The following PMFBP1 variants were observed in gnomAD, a reference collection of about 807,000 sequenced individuals.
PMFBP1 encodes the protein polyamine modulated factor 1 binding protein 1.
Under a neutral mutation model 137.8 loss-of-function variants are expected in PMFBP1, and 131 were observed. The ratio of observed to expected loss-of-function variants is 0.95; its 90% CI spans 0.82 to 1.10. The LOEUF (loss-of-function observed/expected upper bound fraction) is 1.10, where lower values mean the gene tolerates loss of function less well. Among genes scored for constraint, PMFBP1 ranks in the 50% least tolerant of loss-of-function variants. PMFBP1 has a pLI of 0.00. For missense variants in PMFBP1, 1,199 were observed against 1,175.4 expected (o/e 1.02, Z -0.29); for synonymous variants, 490 against 450.4 (o/e 1.09, Z -1.11).
the PMFBP1 span, among the ~76,000 whole-genome samples, chr16:72,190,496 T>C: frequency 6.6e-6 from 1 of 151,906 alleles, no homozygotes; most frequent in Non-Finnish European, 1.5e-5. Flanking sequence ...GAAGAACTGA[T>C]GGGAAGAGAG....
At chr16:72,201,534 T>C in the PMFBP1 span, among the ~76,000 whole-genome samples, 1 of 152,328 alleles carries the variant, frequency 6.6e-6, no homozygotes, top group Non-Finnish European at 1.5e-5. Flanking sequence ...CAGAATACGA[T>C]GGGGAACACT....
the PMFBP1 span, among the ~76,000 whole-genome samples, chr16:72,205,597 C>G: frequency 6.6e-6 from 1 of 152,156 alleles, no homozygotes. Flanking sequence ...CAGGACAGAA[C>G]TAGGATAATG....
Position 72,130,518 on chromosome 16 carries a change from C to A in PMFBP1, c.1637+15G>T, listed in dbSNP as rs200463814. The A allele has an allele frequency of 3.1e-6, 5 of 1,613,666 alleles. No individual in the cohort carries two copies. Among genetic ancestry groups the A allele is most frequent in the Middle Eastern group, 1.7e-4 (1 of 6,060 alleles). ...GACAGAACCTCTCTCTGGAGGGGAG[C>A]CTGAGCCTGGGCACCTGTTGGAGGT... On this transcript the variant is annotated intron_variant, in intron 11 of 20. Coordinates refer to ENST00000237353, the MANE Select transcript of PMFBP1 (RefSeq NM_031293.3).
chr16:72,203,070 C>A, the PMFBP1 span, among the ~76,000 whole-genome samples: 9 of 152,344 alleles, frequency 5.9e-5, no homozygotes, highest in African/African-American at 1.7e-4. Flanking sequence ...TTGTAAAACC[C>A]TGCTGATTCT....
the PMFBP1 span, among the ~76,000 whole-genome samples, chr16:72,239,508 C>CT: frequency 9.9e-5 from 15 of 151,924 alleles, no homozygotes; most frequent in Non-Finnish European, 1.5e-4. Flanking sequence ...TTCTTTAAAC[C>CT]TTTTTTAGAA....
intron 11 of PMFBP1, 76 bp downstream of exon 11, chr16:72,130,457 G>A: frequency 1.2e-6 from 2 of 1,606,514 alleles, no homozygotes; most frequent in South Asian, 1.1e-5. Context: ...CCACGCCTGG[G>A]CAGCTGCCCA....
the PMFBP1 span, among the ~76,000 whole-genome samples, chr16:72,213,061 C>G: frequency 6.6e-6 from 1 of 152,196 alleles, no homozygotes; most frequent in Non-Finnish European, 1.5e-5. Context: ...GCACTTGCTA[C>G]AGATGTGCTC....
At chr16:72,117,562 A>G (rs1368287348), downstream of PMFBP1, among the ~76,000 whole-genome samples, 1 of 152,218 alleles carries the variant, frequency 6.6e-6, no homozygotes, top group East Asian at 1.9e-4. Context: ...AGAAGTGGCA[A>G]AGCAGGTGTT....
At chr16:72,209,344 A>G in the PMFBP1 span, among the ~76,000 whole-genome samples, 1 of 152,180 alleles carries the variant, frequency 6.6e-6, no homozygotes, top group Non-Finnish European at 1.5e-5. Flanking sequence ...TTTAAAGGTC[A>G]TCTCTGTATT....
chr16:72,150,085 T>G (rs984140405), intron 5 of PMFBP1, among the ~76,000 whole-genome samples: 1 of 152,234 alleles, frequency 6.6e-6, no homozygotes, highest in Non-Finnish European at 1.5e-5. Flanking sequence ...ATCAGGTGTT[T>G]CGACTTTTCT....
chr16:72,128,348 A>G, intron 14 of PMFBP1: 1 of 1,309,788 alleles, frequency 7.6e-7, no homozygotes, highest in Non-Finnish European at 9.8e-7. Context: ...TTCCCTAGCA[A>G]ATTGCCCCCC....
chr16:72,212,623 A>C, the PMFBP1 span, among the ~76,000 whole-genome samples: 1 of 152,232 alleles, frequency 6.6e-6, no homozygotes, highest in Non-Finnish European at 1.5e-5. Flanking sequence ...TAGGAATTCT[A>C]GAAAAAGAGA....
chr16:72,165,687 G>C (rs1203298272), intron 2 of PMFBP1, among the ~76,000 whole-genome samples: 2 of 151,840 alleles, frequency 1.3e-5, no homozygotes, highest in Non-Finnish European at 2.9e-5. Flanking sequence ...CAAAGTGCTG[G>C]GATTACAGGC....
the PMFBP1 span, among the ~76,000 whole-genome samples, chr16:72,211,686 C>A: frequency 6.6e-6 from 1 of 152,110 alleles, no homozygotes; most frequent in African/African-American, 2.4e-5. Flanking sequence ...AGAAAGAATT[C>A]TTAGAATTTA....
Position 72,171,283 on chromosome 16 carries a change from G to A in PMFBP1, c.-60-15C>T. 6.6e-7 allele frequency: 1 copy of A among 1,505,996 alleles called. No individual in the cohort carries two copies. Among genetic ancestry groups the A allele is most frequent in the Non-Finnish European group, 9.2e-7 (1 of 1,085,918 alleles). 93.3% of individuals were successfully genotyped at this position (1,505,996 alleles called of 1,614,324 possible). A position where few individuals can be genotyped will look rare whatever the true frequency, so the allele number is the denominator to read the frequency against. On this transcript the variant is annotated splice_polypyrimidine_tract_variant and intron_variant, in intron 1 of 20. Transcript: ENST00000237353. ...TTGTTATAAACCTGAAAAAGTCCAA[G>A]TATTTAAGATGGAAAAAGTATAAAT...
intron 5 of PMFBP1, 130 bp downstream of exon 5, chr16:72,150,478 A>G: frequency 1.2e-6 from 1 of 858,782 alleles, no homozygotes; most frequent in Non-Finnish European, 1.9e-6. Flanking sequence ...TGAGGGCTAC[A>G]AAATCAAGGG....
At chr16:72,193,259 G>A in the PMFBP1 span, among the ~76,000 whole-genome samples, 3 of 151,986 alleles carry the variant, frequency 2.0e-5, no homozygotes, top group African/African-American at 4.8e-5. Flanking sequence ...GTGTAGTGGT[G>A]CACACCTGTA....
At chr16:72,195,025 G>C in the PMFBP1 span, among the ~76,000 whole-genome samples, 59 of 152,284 alleles carry the variant, frequency 3.9e-4, no homozygotes, top group Non-Finnish European at 6.6e-4. Context: ...TATGTGATTT[G>C]AGACAACTTC....
chr16:72,122,489 G>C (rs2042390484), intron 19 of PMFBP1, among the ~76,000 whole-genome samples: 2 of 152,162 alleles, frequency 1.3e-5, no homozygotes, highest in South Asian at 2.1e-4. Flanking sequence ...AGATGAGCAG[G>C]TGGAACAGAA....
Sources: allele counts gnomAD v4.1 joint callset (sites outside exome capture counted in the v4.1 genomes callset), GRCh38; gene constraint gnomAD v4.1.1; transcripts MANE v1.5; gene names NCBI Gene and HGNC (gene_info 2026-07-23, HGNC 2026-07-21).